The following PDE1C variants were observed in gnomAD, a reference collection of about 807,000 sequenced individuals.
PDE1C encodes the protein phosphodiesterase 1C, also known as dual specificity calcium/calmodulin-dependent 3',5'-cyclic nucleotide phosphodiesterase 1C.
In PDE1C, 62 loss-of-function variants were observed where a neutral mutation model predicts 93.1. The observed-to-expected ratio is 0.67, with a 90% confidence interval of 0.54 to 0.82. PDE1C has a LOEUF of 0.82. Ranked by LOEUF, PDE1C falls within the 40% of genes least tolerant of loss-of-function variation. The pLI is 0.00. For synonymous variants in PDE1C, 325 were observed against 310.1 expected, an observed-to-expected ratio of 1.05 and a Z score of -0.50; for missense variants, 742 against 884.6, an observed-to-expected ratio of 0.84 and a Z score of 2.04.
chr7:32,002,496 G>A (rs931191972), intron 2 of PDE1C, among the ~76,000 whole-genome samples: 6 of 152,174 alleles, frequency 3.9e-5, no homozygotes, highest in African/African-American at 7.2e-5. Flanking sequence ...AGGTACCTGT[G>A]ATCCACAGAG....
intron 17 of PDE1C, among the ~76,000 whole-genome samples, chr7:31,759,351 C>T (rs1794685584): frequency 6.6e-6 from 1 of 152,072 alleles, no homozygotes; most frequent in African/African-American, 2.4e-5. Context: ...GGGGTCCGAC[C>T]CTCCTCCTTT....
In PDE1C at chr7:32,181,293, C is replaced by T. The variant is rs977481274; in HGVS notation, c.137-11337G>A. Among the ~76,000 whole-genome samples the T allele has an allele frequency of 3.3e-5, 5 of 152,072 alleles. No individual in the cohort carries two copies. The South Asian group carries it at 6.2e-4, about 19-fold the overall frequency. On this transcript the variant is annotated intron_variant, in intron 2 of 18. Transcript: ENST00000396193. ...GAACTGAACTCATCTCTGCACCAAG[C>T]GGACCTAATAGACATCTACAGAACT...
At chr7:31,721,467 G>A in the PDE1C span, among the ~76,000 whole-genome samples, 2 of 152,202 alleles carry the variant, frequency 1.3e-5, no homozygotes, top group Non-Finnish European at 2.9e-5. Flanking sequence ...CTAGCCACAT[G>A]TGGGTACTGG....
intron 2 of PDE1C, among the ~76,000 whole-genome samples, chr7:32,186,991 C>A (rs1803926535): frequency 6.6e-6 from 1 of 152,178 alleles, no homozygotes; most frequent in South Asian, 2.1e-4. Flanking sequence ...CCTACCAGAG[C>A]TAGCTCCTTT....
intron 1 of PDE1C, among the ~76,000 whole-genome samples, chr7:32,289,850 T>A (rs982602947): frequency 2.0e-5 from 3 of 152,194 alleles, no homozygotes; most frequent in Non-Finnish European, 2.9e-5. Flanking sequence ...CTCTATGAAG[T>A]TACCACAAAG....
At chr7:31,990,203 C>G (rs991549348) in intron 2 of PDE1C, among the ~76,000 whole-genome samples, 2 of 152,144 alleles carry the variant, frequency 1.3e-5, no homozygotes, top group Non-Finnish European at 2.9e-5. Context: ...TCTGATGTGT[C>G]ATGGGAGGGA....
At chr7:31,968,043 T>G (rs1810310595) in intron 2 of PDE1C, among the ~76,000 whole-genome samples, 1 of 152,280 alleles carries the variant, frequency 6.6e-6, no homozygotes, top group African/African-American at 2.4e-5. Flanking sequence ...CTTTGAAAAC[T>G]GGCACAAGAC....
intron 2 of PDE1C, among the ~76,000 whole-genome samples, chr7:32,010,623 G>T (rs553403349): frequency 6.6e-6 from 1 of 152,292 alleles, no homozygotes; most frequent in South Asian, 2.1e-4. Flanking sequence ...CACAAACCAG[G>T]TCACTATAAA....
intron 2 of PDE1C, among the ~76,000 whole-genome samples, chr7:32,173,401 A>G (rs1802777390): frequency 6.6e-6 from 1 of 152,140 alleles, no homozygotes. Context: ...GGACGGGTCA[A>G]TATGTGCAGC....
downstream of PDE1C, among the ~76,000 whole-genome samples, chr7:31,748,914 T>C (rs1477504465): frequency 2.6e-5 from 4 of 152,224 alleles, no homozygotes; most frequent in South Asian, 6.2e-4. Flanking sequence ...TAATTGATCA[T>C]GTGAAATTGC....
chr7:31,942,188 C>T (rs905737101), intron 2 of PDE1C, among the ~76,000 whole-genome samples: 3 of 152,062 alleles, frequency 2.0e-5, no homozygotes, highest in Non-Finnish European at 4.4e-5. Flanking sequence ...TCCATAAGTT[C>T]CGGAGTTTGT....
At chr7:32,080,648 A>G (rs963889361) in intron 3 of PDE1C, among the ~76,000 whole-genome samples, 1 of 152,228 alleles carries the variant, frequency 6.6e-6, no homozygotes, top group Non-Finnish European at 1.5e-5. Context: ...CATGTGACTC[A>G]GCACACAAGG....
intron 1 of PDE1C, among the ~76,000 whole-genome samples, chr7:32,334,623 T>C: frequency 8.3e-6 from 1 of 120,644 alleles, no homozygotes. Flanking sequence ...AAGTCCAATA[T>C]ATAATGGACA....
chr7:32,303,909 G>A (rs1314099881), upstream of PDE1C, among the ~76,000 whole-genome samples: 1 of 152,132 alleles, frequency 6.6e-6, no homozygotes, highest in Non-Finnish European at 1.5e-5. Flanking sequence ...GCAAATTACA[G>A]TAAATTAAAT....
At chr7:31,862,248 A>G (rs568117037) in intron 7 of PDE1C, among the ~76,000 whole-genome samples, 13 of 152,268 alleles carry the variant, frequency 8.5e-5, no homozygotes, top group African/African-American at 3.1e-4. Context: ...CATTTTCTTG[A>G]TTGCTTCCCA....
chr7:32,104,611 G>A (rs1378328007), intron 3 of PDE1C, among the ~76,000 whole-genome samples: 1 of 152,084 alleles, frequency 6.6e-6, no homozygotes, highest in African/African-American at 2.4e-5. Flanking sequence ...TATTGACGAT[G>A]GAGGCCAATG....
intron 1 of PDE1C, among the ~76,000 whole-genome samples, chr7:32,374,350 G>A (rs543709889): frequency 6.6e-6 from 1 of 152,102 alleles, no homozygotes; most frequent in Admixed American, 6.6e-5. Flanking sequence ...TTGAATCTGG[G>A]TAGACTTACG....
At chr7:32,309,410 T>C (rs1445551533) in intron 1 of PDE1C, among the ~76,000 whole-genome samples, 1 of 152,150 alleles carries the variant, frequency 6.6e-6, no homozygotes, top group Admixed American at 6.5e-5. Context: ...GCCACAAAGA[T>C]ACTCCTCAAG....
chr7:31,776,996 TG>T (rs561730171), intron 16 of PDE1C, among the ~76,000 whole-genome samples: 2 of 72,112 alleles, frequency 2.8e-5, no homozygotes, highest in South Asian at 1.2e-3. Flanking sequence ...GTTTGTGGGG[TG>T]GGGGGAGGGG....
Sources: allele counts gnomAD v4.1 joint callset (sites outside exome capture counted in the v4.1 genomes callset), GRCh38; gene constraint gnomAD v4.1.1; transcripts MANE v1.5; gene names NCBI Gene and HGNC (gene_info 2026-07-23, HGNC 2026-07-21).